Variants in NUBPL observed in about 807,000 individuals in gnomAD.
NUBPL encodes the protein NUBP iron-sulfur cluster assembly factor, mitochondrial, also known as iron-sulfur cluster transfer protein NUBPL.
A neutral mutation model predicts 45.7 loss-of-function variants in NUBPL; 31 were observed. The observed-to-expected ratio is 0.68, with a 90% CI of 0.51 to 0.92. NUBPL has a LOEUF of 0.92. Among genes scored for constraint, NUBPL ranks in the 40% least tolerant of loss-of-function variants. NUBPL has a pLI of 0.00. For synonymous variants in NUBPL, 144 were observed against 140.9 expected (o/e 1.02, Z -0.15); for missense variants, 401 against 398.7 (o/e 1.01, Z -0.05).
intron 3 of NUBPL, among the ~76,000 whole-genome samples, chr14:31,568,329 C>T (rs1168834607): frequency 2.0e-5 from 3 of 152,144 alleles, no homozygotes; most frequent in African/African-American, 7.2e-5. Flanking sequence ...AAACAGTTAA[C>T]TCATTTCCTG....
chr14:31,615,210 C>T (rs1307689828), intron 4 of NUBPL, among the ~76,000 whole-genome samples: 1 of 152,078 alleles, frequency 6.6e-6, no homozygotes, highest in Admixed American at 6.6e-5. Context: ...CCAAGTAAGA[C>T]GTGCCTTGCT....
chr14:31,745,128 C>T (rs572968750), intron 6 of NUBPL, among the ~76,000 whole-genome samples: 254 of 151,688 alleles, frequency 1.7e-3, no homozygotes, highest in Middle Eastern at 0.014. Flanking sequence ...TGTATACATG[C>T]GCCATGTTGG....
chr14:31,565,176 A>G, intron 3 of NUBPL, 128 bp downstream of exon 3: 1 of 551,120 alleles, frequency 1.8e-6, no homozygotes. Context: ...GCATATCTTT[A>G]AGGAACTCAA....
intron 7 of NUBPL, among the ~76,000 whole-genome samples, chr14:31,823,803 A>G (rs2040055831): frequency 6.6e-6 from 1 of 152,098 alleles, no homozygotes; most frequent in African/African-American, 2.4e-5. Context: ...ATGACTGGAT[A>G]TGAAAAAAAC....
chr14:31,725,898 C>T (rs146908151), intron 6 of NUBPL, among the ~76,000 whole-genome samples: 229 of 151,672 alleles, frequency 1.5e-3, no homozygotes, highest in Middle Eastern at 0.014. Context: ...TTAGTAGTGA[C>T]GGGGTTTCAT....
intron 7 of NUBPL, among the ~76,000 whole-genome samples, chr14:31,807,083 T>C (rs373293412): frequency 1.3e-5 from 2 of 152,162 alleles, no homozygotes; most frequent in South Asian, 2.1e-4. Flanking sequence ...AATAAACATA[T>C]GTGTGCATGT....
At chr14:31,856,615 G>A (rs551892924) in intron 10 of NUBPL, among the ~76,000 whole-genome samples, 24 of 152,314 alleles carry the variant, frequency 1.6e-4, no homozygotes, top group African/African-American at 4.1e-4. Context: ...AGATACAGTG[G>A]GGGTACAGGC....
chr14:31,564,469 T>A (rs60782727), intron 2 of NUBPL, among the ~76,000 whole-genome samples: 60,574 of 146,642 alleles, frequency 0.41, 13,907 homozygotes, highest in East Asian at 0.59. Flanking sequence ...GTGGGAGGAT[T>A]GCTTGAGCCA....
intron 4 of NUBPL, chr14:31,654,242 A>C: frequency 3.7e-6 from 1 of 271,428 alleles, no homozygotes. Context: ...ATATGTATGT[A>C]CCTTAATTAA....
intron 10 of NUBPL, among the ~76,000 whole-genome samples, chr14:31,856,899 C>T (rs1338574426): frequency 6.6e-6 from 1 of 152,162 alleles, no homozygotes; most frequent in East Asian, 1.9e-4. Flanking sequence ...TTCAGGCACA[C>T]TGTACAAGTT....
chr14:31,666,263 A>ATATATATATATT, intron 4 of NUBPL, among the ~76,000 whole-genome samples: 2 of 111,872 alleles, frequency 1.8e-5, no homozygotes, highest in Non-Finnish European at 3.8e-5. Flanking sequence ...ATATATATAT[A>ATATATATATATT]ATTTTATTTT....
intron 3 of NUBPL, among the ~76,000 whole-genome samples, chr14:31,593,105 A>G (rs995085830): frequency 6.6e-6 from 1 of 152,208 alleles, no homozygotes; most frequent in African/African-American, 2.4e-5. Flanking sequence ...CAGTATAATA[A>G]CAATTTACAT....
Position 31,583,398 on chromosome 14 carries a change from T to C in NUBPL, c.292-15891T>C, listed in dbSNP as rs368882269. 5.3e-5 allele frequency among the ~76,000 whole-genome samples: 8 copies of C among 152,306 alleles called. No homozygotes were observed. The South Asian group carries it at 8.3e-4, about 16-fold the overall frequency. On this transcript the variant is annotated intron_variant, in intron 3 of 10. Coordinates refer to ENST00000281081, the MANE Select transcript of NUBPL (RefSeq NM_025152.3). The stretch of plus-strand genomic sequence containing the variant: ...AAGCACGTTTATTAACTACCTGCTA[T>C]ATATTAGACACTGTGGTGGGAATTT...
intron 4 of NUBPL, among the ~76,000 whole-genome samples, chr14:31,636,012 A>C (rs200777143): frequency 6.6e-6 from 1 of 152,100 alleles, no homozygotes; most frequent in East Asian, 1.9e-4. Flanking sequence ...GGGTTTTCTA[A>C]ATATACAATC....
intron 3 of NUBPL, among the ~76,000 whole-genome samples, chr14:31,590,724 A>G (rs2034120097): frequency 6.6e-6 from 1 of 152,218 alleles, no homozygotes; most frequent in South Asian, 2.1e-4. Context: ...GCAACAAATG[A>G]CTAGTTGATA....
At chr14:31,800,617 A>G (rs912639333) in intron 7 of NUBPL, among the ~76,000 whole-genome samples, 1 of 152,244 alleles carries the variant, frequency 6.6e-6, no homozygotes. Context: ...GAAGTGCAGT[A>G]AAGTGAAGTG....
chr14:31,803,574 C>T (rs1000765686), intron 7 of NUBPL, among the ~76,000 whole-genome samples: 2 of 152,092 alleles, frequency 1.3e-5, no homozygotes, highest in Admixed American at 6.5e-5. Flanking sequence ...GTTTCCAGAA[C>T]AGCACGTTAA....
At chr14:31,705,353 C>T (rs541452006) in intron 6 of NUBPL, among the ~76,000 whole-genome samples, 3 of 152,280 alleles carry the variant, frequency 2.0e-5, no homozygotes, top group Admixed American at 6.5e-5. Context: ...GGGAACCGAG[C>T]GGGTCGCCGG....
chr14:31,756,804 T>G (rs1490706493), intron 6 of NUBPL, among the ~76,000 whole-genome samples: 2 of 152,026 alleles, frequency 1.3e-5, no homozygotes, highest in East Asian at 3.9e-4. Context: ...AGCTTCCAGT[T>G]TTTGCCCATT....
Sources: gnomAD v4.1 joint callset for allele counts (sites outside exome capture counted in the v4.1 genomes callset) on GRCh38, gnomAD v4.1.1 for gene constraint, MANE v1.5 for transcripts, NCBI Gene and HGNC (gene_info 2026-07-23, HGNC 2026-07-21) for gene names.